The following BNC2 variants were observed in gnomAD, a reference collection of about 807,000 sequenced individuals.
BNC2 encodes the protein basonuclin zinc finger protein 2, also known as zinc finger protein basonuclin-2.
Under a neutral mutation model 76.3 loss-of-function variants are expected in BNC2, and 20 were observed. That is an observed-to-expected ratio of 0.26 (90% CI 0.18 to 0.38). The LOEUF (loss-of-function observed/expected upper bound fraction) is 0.38. Among genes scored for constraint, BNC2 ranks in the 10% least tolerant of loss-of-function variants. The pLI, the probability that BNC2 is intolerant of heterozygous loss-of-function variation, is 1.00. For missense variants in BNC2, 1,382 were observed against 1,399.8 expected, an observed-to-expected ratio of 0.99 and a Z score of 0.20; for synonymous variants, 582 against 514.8, an observed-to-expected ratio of 1.13 and a Z score of -1.77.
intron 5 of BNC2, among the ~76,000 whole-genome samples, chr9:16,475,691 A>G (rs986072554): frequency 9.9e-5 from 15 of 152,172 alleles, no homozygotes; most frequent in African/African-American, 3.4e-4. Context: ...TCCTCCATAC[A>G]ATTCAGATTG....
intron 3 of BNC2, among the ~76,000 whole-genome samples, chr9:16,587,624 A>G (rs776154222): frequency 6.6e-5 from 10 of 151,964 alleles, no homozygotes; most frequent in Non-Finnish European, 8.8e-5. Flanking sequence ...GTTGATTGCT[A>G]TTTGCTTGAC....
intron 3 of BNC2, among the ~76,000 whole-genome samples, chr9:16,670,038 A>G (rs1822428410): frequency 6.6e-6 from 1 of 152,216 alleles, no homozygotes; most frequent in Non-Finnish European, 1.5e-5. Flanking sequence ...TTTCTGAAAC[A>G]GATTCTTCTA....
chr9:16,758,030 G>A (rs558218057), intron 1 of BNC2, among the ~76,000 whole-genome samples: 1 of 152,146 alleles, frequency 6.6e-6, no homozygotes, highest in Admixed American at 6.5e-5. Context: ...AGGTCTCACT[G>A]GGCTAAAGTC....
chr9:16,493,412 T>C (rs943883678), intron 5 of BNC2, among the ~76,000 whole-genome samples: 9 of 152,182 alleles, frequency 5.9e-5, no homozygotes, highest in African/African-American at 1.9e-4. Flanking sequence ...GGGGTGGGTA[T>C]GTGTAAGAGG....
intron 1 of BNC2, among the ~76,000 whole-genome samples, chr9:16,789,867 G>C (rs1215831113): frequency 6.6e-6 from 1 of 152,212 alleles, no homozygotes; most frequent in African/African-American, 2.4e-5. Flanking sequence ...CTTAAAGGCA[G>C]GTTTGGCCTG....
chr9:16,775,184 A>C (rs1825931415), intron 1 of BNC2, among the ~76,000 whole-genome samples: 1 of 152,212 alleles, frequency 6.6e-6, no homozygotes, highest in South Asian at 2.1e-4. Flanking sequence ...CTGTGATTAC[A>C]CAAGACAAGC....
chr9:16,566,432 A>G (rs1341366492), intron 4 of BNC2, among the ~76,000 whole-genome samples: 1 of 152,160 alleles, frequency 6.6e-6, no homozygotes, highest in African/African-American at 2.4e-5. Flanking sequence ...CCCTCACAGA[A>G]TAAGTGAAGG....
intron 6 of BNC2, among the ~76,000 whole-genome samples, chr9:16,424,875 T>G (rs1222556234): frequency 6.6e-6 from 1 of 152,246 alleles, no homozygotes; most frequent in African/African-American, 2.4e-5. Flanking sequence ...AACATTTTTG[T>G]ATTATCATTT....
At chr9:16,802,067 T>C (rs1485145213) in intron 1 of BNC2, among the ~76,000 whole-genome samples, 1 of 152,158 alleles carries the variant, frequency 6.6e-6, no homozygotes, top group Admixed American at 6.5e-5. Context: ...ATAAAACGAC[T>C]GTCTTCCACA....
chr9:16,836,448 C>T (rs531548984), intron 1 of BNC2, among the ~76,000 whole-genome samples: 2 of 151,690 alleles, frequency 1.3e-5, no homozygotes, highest in South Asian at 4.2e-4. Flanking sequence ...AATAATATGG[C>T]CATGAATGTG....
intron 3 of BNC2, among the ~76,000 whole-genome samples, chr9:16,648,454 G>A (rs1017554141): frequency 6.6e-6 from 1 of 152,324 alleles, no homozygotes; most frequent in African/African-American, 2.4e-5. Flanking sequence ...AGAGAGATGT[G>A]TGTAATGCTG....
chr9:16,511,625 C>T (rs1412167829), intron 5 of BNC2, among the ~76,000 whole-genome samples: 4 of 151,116 alleles, frequency 2.6e-5, no homozygotes, highest in East Asian at 3.9e-4. Flanking sequence ...GACGGGGTTT[C>T]GCTGTGTTGC....
intron 5 of BNC2, among the ~76,000 whole-genome samples, chr9:16,468,650 C>T (rs1821749228): frequency 6.6e-6 from 1 of 152,120 alleles, no homozygotes; most frequent in South Asian, 2.1e-4. Context: ...CTCGGCCTCC[C>T]AAAGTGCTGG....
At chr9:16,710,103 G>A (rs1373579685) in intron 3 of BNC2, among the ~76,000 whole-genome samples, 2 of 144,428 alleles carry the variant, frequency 1.4e-5, no homozygotes, top group Non-Finnish European at 3.1e-5. Context: ...TGCTAAACAT[G>A]ATGGGCAACG....
intron 1 of BNC2, among the ~76,000 whole-genome samples, chr9:16,818,568 C>T (rs1246454405): frequency 3.3e-5 from 5 of 152,094 alleles, no homozygotes; most frequent in Admixed American, 2.6e-4. Context: ...AATAAATGGT[C>T]AAAAAGTGAT....
intron 3 of BNC2, among the ~76,000 whole-genome samples, chr9:16,622,784 T>C (rs1820898870): frequency 6.6e-6 from 1 of 152,150 alleles, no homozygotes; most frequent in African/African-American, 2.4e-5. Context: ...TGGCGCTAAC[T>C]GGCAGTGTTA....
At chr9:16,507,547 G>T (rs1822657310) in intron 5 of BNC2, among the ~76,000 whole-genome samples, 1 of 152,264 alleles carries the variant, frequency 6.6e-6, no homozygotes, top group South Asian at 2.1e-4. Context: ...TCCTGCCTCA[G>T]CCTCCTGAGT....
chr9:16,850,176 TC>T (rs1410462479), intron 1 of BNC2, among the ~76,000 whole-genome samples: 1 of 152,196 alleles, frequency 6.6e-6, no homozygotes, highest in East Asian at 1.9e-4. Context: ...TTAGAAGCCT[TC>T]TCAGGCTCCA....
At chr9:16,689,206 T>C (rs1373583213) in intron 3 of BNC2, among the ~76,000 whole-genome samples, 1 of 148,128 alleles carries the variant, frequency 6.8e-6, no homozygotes, top group Non-Finnish European at 1.5e-5. Context: ...ACCAGACTTC[T>C]GAAAAGAAGA....
Sources: allele counts gnomAD v4.1 joint callset (sites outside exome capture counted in the v4.1 genomes callset), GRCh38; gene constraint gnomAD v4.1.1; transcripts MANE v1.5; gene names NCBI Gene and HGNC (gene_info 2026-07-23, HGNC 2026-07-21).